The following IDS variants were observed in gnomAD, a reference collection of about 807,000 sequenced individuals.
IDS encodes the protein iduronate 2-sulfatase.
In IDS, 1 loss-of-function variant was observed where a neutral mutation model predicts 33.5. That is an observed-to-expected ratio of 0.03 (90% CI 0.01 to 0.14). IDS has a LOEUF of 0.14. Ranked by LOEUF, IDS falls within the 10% of genes least tolerant of loss-of-function variation. The pLI is 1.00. For missense variants in IDS, 328 were observed against 448.0 expected, an observed-to-expected ratio of 0.73 and a Z score of 2.42; for synonymous variants, 191 against 184.4, an observed-to-expected ratio of 1.04 and a Z score of -0.29.
At chrX:149,491,371 C>T (rs915987882) in intron 6 of IDS, among the ~76,000 whole-genome samples, 1 of 112,383 alleles carries the variant, frequency 8.9e-6, no homozygotes, top group Non-Finnish European at 1.9e-5. Flanking sequence ...CCTGGGCTGA[C>T]TCTCATTCCC....
chrX:149,502,857 G>T (rs1285659321), intron 3 of IDS: 2 of 280,301 alleles, frequency 7.1e-6, no homozygotes, highest in South Asian at 1.1e-4. Flanking sequence ...TTTCCAGAGT[G>T]GATAGCAGCC....
chrX:149,502,577 A>G (rs1029246345), intron 3 of IDS: 1 of 125,821 alleles, frequency 7.9e-6, no homozygotes, highest in African/African-American at 3.2e-5. Context: ...GCAAAGGGAA[A>G]GAGACTGAAA....
intron 6 of IDS, among the ~76,000 whole-genome samples, chrX:149,490,664 A>T (rs143497625): frequency 8.9e-6 from 1 of 112,544 alleles, no homozygotes; most frequent in Non-Finnish European, 1.9e-5. Flanking sequence ...TACATTTCTA[A>T]GCAAATCAGA....
intron 8 of IDS, among the ~76,000 whole-genome samples, chrX:149,484,603 A>C (rs1459417089): frequency 8.9e-6 from 1 of 112,881 alleles, no homozygotes; most frequent in Non-Finnish European, 1.9e-5. Context: ...TACTGGCGTG[A>C]GCCACCACGC....
At chrX:149,497,684 T>C (rs2089446415) in intron 5 of IDS, among the ~76,000 whole-genome samples, 1 of 112,454 alleles carries the variant, frequency 8.9e-6, no homozygotes, top group Non-Finnish European at 1.9e-5. Context: ...GTGCTTTGTG[T>C]TTAGATGATC....
At chrX:149,486,759 G>A (rs2089339081) in intron 8 of IDS, among the ~76,000 whole-genome samples, 166 bp downstream of exon 8, 2 of 111,709 alleles carry the variant, frequency 1.8e-5, no homozygotes, top group Admixed American at 1.9e-4. Context: ...TATGGGAGAT[G>A]TTCAGAAAGC....
At chrX:149,501,125 G>C in intron 3 of IDS, 88 bp from the exon 4 acceptor site, 2 of 596,755 alleles carry the variant, frequency 3.4e-6, no homozygotes, top group Non-Finnish European at 2.8e-6. Flanking sequence ...AAATGGGCAA[G>C]TGGAACCTCC....
At chrX:149,490,495 C>T (rs1557338620) in intron 6 of IDS, 55 bp from the exon 7 acceptor site, 1 of 1,157,232 alleles carries the variant, frequency 8.6e-7, no homozygotes, top group South Asian at 1.8e-5. Context: ...ATTGCCAAGG[C>T]ATACAGAGAT....
intron 6 of IDS, among the ~76,000 whole-genome samples, chrX:149,493,456 A>G (rs968713583): frequency 2.7e-5 from 3 of 112,216 alleles, no homozygotes; most frequent in Non-Finnish European, 3.8e-5. Flanking sequence ...CCACAGACAC[A>G]GCCAGAACAG....
rs377410868 is a variant in IDS at position 149,500,935 on chromosome X, T to C, written c.507+14A>G. On this transcript the variant is annotated intron_variant, in intron 4 of 8. Coordinates refer to ENST00000340855, the MANE Select transcript of IDS (RefSeq NM_000202.8). ...AGTGGTTCCTCTTCAGAAATGTCCC[T>C]TTCACAGCCTTACCTTAGTGTTTTC... 1.8e-6 allele frequency: 2 copies of C among 1,094,413 alleles called. No homozygotes were observed. Among genetic ancestry groups the C allele is most frequent in the Non-Finnish European group, 2.5e-6 (2 of 787,785 alleles). The allele number at this position is 1,094,413 out of a possible 1,213,427, so 90.2% of individuals were successfully genotyped here.
chrX:149,495,168 T>C (rs1442356730), intron 6 of IDS, among the ~76,000 whole-genome samples: 1 of 111,930 alleles, frequency 8.9e-6, no homozygotes, highest in Non-Finnish European at 1.9e-5. Flanking sequence ...TAATAAAGCA[T>C]CCAGGTGCAG....
rs782037553 is a variant in IDS at position 149,505,156 on chromosome X, G to C, written c.-19C>G. On this transcript the variant is annotated 5_prime_UTR_variant, in exon 1 of 9. Coordinates refer to ENST00000340855, the MANE Select transcript of IDS (RefSeq NM_000202.8). ...GCGGCATTTCGGCTTCGACGCGGCC[G>C]CTTCAGAGCGGCGGGGACAGGCTGC... 3 of 1,139,411 alleles carry C rather than the reference G, an allele frequency of 2.6e-6. No homozygotes were observed. In the South Asian group the frequency reaches 5.6e-5, roughly 21 times the overall value. 93.9% of individuals were successfully genotyped at this position (1,139,411 alleles called of 1,213,427 possible). A position where few individuals can be genotyped will look rare whatever the true frequency, so the allele number is the denominator to read the frequency against.
intron 7 of IDS, among the ~76,000 whole-genome samples, chrX:149,489,404 T>C (rs2089369601): frequency 1.8e-5 from 2 of 112,309 alleles, no homozygotes; most frequent in Admixed American, 1.9e-4. Flanking sequence ...TGTGCACAAC[T>C]GATGGCTGGC....
intron 6 of IDS, chrX:149,491,444 G>A: frequency 1.6e-6 from 1 of 616,839 alleles, no homozygotes; most frequent in Non-Finnish European, 2.1e-6. Context: ...GGTGAGAAGA[G>A]AGCCGTGTCT....
chrX:149,489,766 T>C (rs782756944), intron 7 of IDS, among the ~76,000 whole-genome samples: 2 of 111,339 alleles, frequency 1.8e-5, no homozygotes, highest in African/African-American at 6.5e-5. Flanking sequence ...TGCTGTTTTA[T>C]TCCCTGCTCT....
Position 149,490,434 on chromosome X carries a change from T to C in IDS, c.886A>G (p.Ile296Val). The C allele has an allele frequency of 8.3e-7, 1 of 1,210,826 alleles. No homozygotes were observed. The highest frequency in any genetic ancestry group is 1.1e-6 in the Non-Finnish European group (1 of 894,896). The change falls in exon 7 of 9, where the codon ATC becomes GTC. Residue 296 changes from isoleucine (I) to valine (V), a missense_variant. This residue lies in a region of IDS where 265 missense variants were observed against 339.2 expected (regional missense o/e 0.78). Coordinates refer to ENST00000340855, the MANE Select transcript of IDS (RefSeq NM_000202.8). ...ACAGAGGCAAAGTAGCTCTGGCGGATTTTCCGCTGCAAATTGAAAAAAAAT... is the reference window on the plus strand; with the variant it reads ...ACAGAGGCAAAGTAGCTCTGGCGGACTTTCCGCTGCAAATTGAAAAAAAAT... ...GPIPVDFQRKIRQSYFASVSY... is the reference protein window; with the variant it reads ...GPIPVDFQRKVRQSYFASVSY...
Position 149,481,718 on chromosome X carries a change from T to A in IDS, c.*1028A>T, listed in dbSNP as rs1557337451. 8.9e-6 allele frequency: 1 copy of A among 112,248 alleles called. No individual in the cohort carries two copies. Among genetic ancestry groups the A allele is most frequent in the African/African-American group, 3.2e-5 (1 of 30,887 alleles). The allele number at this position is 112,248 out of a possible 1,213,427, so 9.3% of individuals were successfully genotyped here. On this transcript the variant is annotated 3_prime_UTR_variant, in exon 9 of 9. Coordinates refer to ENST00000340855, the MANE Select transcript of IDS (RefSeq NM_000202.8). ...ATATTTAGAGAATATAGAACTACATTCTGGGAGATTGACAATGACCTAATA... is the reference window on the plus strand; with the variant it reads ...ATATTTAGAGAATATAGAACTACATACTGGGAGATTGACAATGACCTAATA...
At chrX:149,484,406 C>T (rs1357378780) in intron 8 of IDS, among the ~76,000 whole-genome samples, 14 of 112,605 alleles carry the variant, frequency 1.2e-4, no homozygotes, top group African/African-American at 4.2e-4. Context: ...ACTGCAACCT[C>T]CGTCTCCCAG....
chrX:149,496,466 G>A lies in IDS; in HGVS notation c.759C>T (p.Pro253=), dbSNP rs1214276270. The change falls in exon 6 of 9, where the codon CCC becomes CCT. Residue 253 remains proline, a synonymous_variant. Coordinates refer to ENST00000340855, the MANE Select transcript of IDS (RefSeq NM_000202.8). ...CAGGGGGTAGGCCATCAGGGACCTCGGGATCGGGGGCCAGGGTGATGTTCT... is the reference window on the plus strand; with the variant it reads ...CAGGGGGTAGGCCATCAGGGACCTCAGGATCGGGGGCCAGGGTGATGTTCT... The part of the protein sequence containing the change: ...PLENITLAPD[P]EVPDGLPPVA... 9.9e-6 allele frequency: 12 copies of A among 1,209,431 alleles called. No individual in the cohort carries two copies. Among genetic ancestry groups the A allele is most frequent in the African/African-American group, 5.2e-5 (3 of 57,151 alleles).
Sources: allele counts gnomAD v4.1 joint callset (sites outside exome capture counted in the v4.1 genomes callset), GRCh38; gene constraint gnomAD v4.1.1; regional missense constraint gnomAD v4.1.1; transcripts MANE v1.5; gene names NCBI Gene and HGNC (gene_info 2026-07-23, HGNC 2026-07-21).